PTPN4: variants seen among roughly 807,000 people sequenced by gnomAD.
The protein encoded by PTPN4 is tyrosine-protein phosphatase non-receptor type 4.
In PTPN4, 49 loss-of-function variants were observed where a neutral mutation model predicts 135.5. The observed-to-expected ratio is 0.36, with a 90% CI of 0.29 to 0.46. The LOEUF (loss-of-function observed/expected upper bound fraction) is 0.46, where lower values mean the gene tolerates loss of function less well. PTPN4 is among the 20% of genes least tolerant of loss of function. The probability of loss-of-function intolerance (pLI) is 1.00; values close to 1 mark genes in which losing one functional copy is unlikely to be tolerated. For missense variants in PTPN4, 860 were observed against 1,101.0 expected (o/e 0.78, Z 3.10); for synonymous variants, 333 against 369.9 (o/e 0.90, Z 1.14).
At chr2:119,852,118 C>T (rs1245356448) in intron 2 of PTPN4, among the ~76,000 whole-genome samples, 2 of 152,156 alleles carry the variant, frequency 1.3e-5, no homozygotes, top group Admixed American at 6.5e-5. Context: ...GTAGTTACAT[C>T]CTCAGCTTTG....
chr2:119,959,952 A>G lies in PTPN4; in HGVS notation c.2134-855A>G, dbSNP rs974158862. On this transcript the variant is annotated intron_variant, in intron 22 of 26. Coordinates refer to ENST00000263708, the MANE Select transcript of PTPN4 (RefSeq NM_002830.4). The stretch of plus-strand genomic sequence containing the variant: ...ATGAAATTTTATTTACTCATCAAAC[A>G]TCATCTTGAAGATGAAGTAAAAAAG... Among the ~76,000 whole-genome samples, 5 of 152,302 alleles carry G rather than the reference A, an allele frequency of 3.3e-5. 1 individual carries two copies. The South Asian group carries it at 8.3e-4, about 25-fold the overall frequency.
At chr2:119,796,858 TTTTGTG>T (rs1011071201) in intron 1 of PTPN4, among the ~76,000 whole-genome samples, 1 of 82,560 alleles carries the variant, frequency 1.2e-5, no homozygotes, top group African/African-American at 4.5e-5. Context: ...TTGTCACTGT[TTTTGTG>T]TGTGTGTGTG....
At chr2:119,845,573 T>TGGTACA (rs1677485377) in intron 2 of PTPN4, among the ~76,000 whole-genome samples, 1 of 152,176 alleles carries the variant, frequency 6.6e-6, no homozygotes, top group South Asian at 2.1e-4. Flanking sequence ...ATGTACCTTC[T>TGGTACA]TTTATTCCTG....
At chr2:119,905,001 A>G (rs917629373) in intron 10 of PTPN4, among the ~76,000 whole-genome samples, 19 of 150,774 alleles carry the variant, frequency 1.3e-4, no homozygotes, top group African/African-American at 4.4e-4. Context: ...TCTAGAGTAG[A>G]TGAGAAAAAG....
At chr2:119,897,121 C>T (rs143414590) in intron 9 of PTPN4, among the ~76,000 whole-genome samples, 1,645 of 152,042 alleles carry the variant, frequency 0.011, 11 homozygotes, top group South Asian at 0.037. Flanking sequence ...TTGATAGAGA[C>T]GGGGTTTCAC....
intron 1 of PTPN4, among the ~76,000 whole-genome samples, chr2:119,767,645 T>A (rs143466805): frequency 1.3e-4 from 20 of 152,370 alleles, no homozygotes; most frequent in African/African-American, 4.6e-4. Context: ...CTGTCCTTTA[T>A]GACCTTGACA....
At chr2:119,827,235 A>G (rs1320438553) in intron 2 of PTPN4, among the ~76,000 whole-genome samples, 1 of 152,208 alleles carries the variant, frequency 6.6e-6, no homozygotes, top group Admixed American at 6.5e-5. Flanking sequence ...TAACTGCATC[A>G]ACAAACCGAT....
chr2:119,900,847 T>G, intron 10 of PTPN4, 41 bp downstream of exon 10: 1 of 1,157,422 alleles, frequency 8.6e-7, no homozygotes, highest in Non-Finnish European at 1.2e-6. Flanking sequence ...ACCACTGTAT[T>G]ACTAAATATA....
chr2:119,923,392 G>A (rs922020694), intron 12 of PTPN4, among the ~76,000 whole-genome samples: 2 of 152,138 alleles, frequency 1.3e-5, no homozygotes, highest in Non-Finnish European at 2.9e-5. Context: ...CAAACAGTAT[G>A]TATTCCAAAT....
Position 119,934,950 on chromosome 2 carries a change from A to C in PTPN4, c.1347A>C (p.Glu449Asp). ...SSTQANSIVL[E>D]SSPSQETPGD... ...CACAAGCTAATAGCATTGTTCTGGA[A>C]TCATCACCGTAAGAGCTTTTTTATT... The change falls in exon 15 of 27, where the codon GAA becomes GAC. Residue 449 changes from glutamate to aspartate, a missense_variant. Transcript: ENST00000263708. The C allele has an allele frequency of 6.2e-7, 1 of 1,611,862 alleles. No homozygotes were observed. Among genetic ancestry groups the C allele is most frequent in the Non-Finnish European group, 8.5e-7 (1 of 1,179,072 alleles).
chr2:119,849,896 T>C (rs997188281), intron 2 of PTPN4, among the ~76,000 whole-genome samples: 2 of 152,244 alleles, frequency 1.3e-5, no homozygotes, highest in Admixed American at 6.5e-5. Context: ...TACATTTTTT[T>C]CATCAGTATA....
intron 2 of PTPN4, among the ~76,000 whole-genome samples, chr2:119,831,079 T>C (rs1050403979): frequency 9.2e-5 from 14 of 152,082 alleles, no homozygotes; most frequent in African/African-American, 3.1e-4. Flanking sequence ...AGGGCGTGGT[T>C]TGGGGATGAA....
chr2:119,800,018 G>A (rs765064584), intron 1 of PTPN4, among the ~76,000 whole-genome samples: 6 of 152,046 alleles, frequency 3.9e-5, no homozygotes, highest in Non-Finnish European at 8.8e-5. Context: ...ATTGTGAGTC[G>A]ATACATTCTT....
chr2:119,791,411 C>T (rs1217779625), intron 1 of PTPN4: 1 of 152,164 alleles, frequency 6.6e-6, no homozygotes, highest in African/African-American at 2.4e-5. Flanking sequence ...GGATTACAGG[C>T]CTAAGCCACC....
intron 26 of PTPN4, among the ~76,000 whole-genome samples, chr2:119,975,661 G>T (rs1298105616): frequency 6.6e-6 from 1 of 152,104 alleles, no homozygotes; most frequent in African/African-American, 2.4e-5. Flanking sequence ...GGAGGAGGAG[G>T]TTGCAGTAAG....
chr2:119,765,008 A>G (rs1413308349), intron 1 of PTPN4, among the ~76,000 whole-genome samples: 1 of 152,156 alleles, frequency 6.6e-6, no homozygotes, highest in Non-Finnish European at 1.5e-5. Context: ...TCTAGCGTCA[A>G]AAACCTCGGG....
At chr2:119,920,724 C>T (rs1245452907) in intron 12 of PTPN4, among the ~76,000 whole-genome samples, 1 of 151,980 alleles carries the variant, frequency 6.6e-6, no homozygotes, top group Non-Finnish European at 1.5e-5. Context: ...GAACAGTAAC[C>T]CCAGGTTCCA....
intron 1 of PTPN4, among the ~76,000 whole-genome samples, chr2:119,773,972 A>G (rs766478203): frequency 3.3e-5 from 5 of 152,208 alleles, no homozygotes; most frequent in Admixed American, 1.3e-4. Context: ...ACCATCTTAC[A>G]TAATGTATTA....
chr2:119,801,527 C>T (rs572107934), intron 1 of PTPN4, among the ~76,000 whole-genome samples: 1 of 152,062 alleles, frequency 6.6e-6, no homozygotes, highest in African/African-American at 2.4e-5. Context: ...TGTTCCAGTC[C>T]GTGAACATAG....
Sources: allele counts gnomAD v4.1 joint callset (sites outside exome capture counted in the v4.1 genomes callset), GRCh38; gene constraint gnomAD v4.1.1; transcripts MANE v1.5; gene names NCBI Gene and HGNC (gene_info 2026-07-23, HGNC 2026-07-21).